The following PHF14 variants were observed in gnomAD, a reference collection of about 807,000 sequenced individuals.
The protein encoded by PHF14 is PHD finger protein 14.
A neutral mutation model predicts 117.9 loss-of-function variants in PHF14; 55 were observed. The observed-to-expected ratio is 0.47, with a 90% CI of 0.38 to 0.58. The LOEUF (loss-of-function observed/expected upper bound fraction) is 0.58. PHF14 is among the 20% of genes least tolerant of loss of function. The pLI is 0.00. For synonymous variants in PHF14, 409 were observed against 368.6 expected (o/e 1.11, Z -1.26); for missense variants, 978 against 1,122.2 (o/e 0.87, Z 1.84).
intron 11 of PHF14, among the ~76,000 whole-genome samples, chr7:11,039,816 C>T (rs1784443000): frequency 6.6e-6 from 1 of 152,086 alleles, no homozygotes; most frequent in South Asian, 2.1e-4. Context: ...TAGTAGTCGC[C>T]TCTGGGAGGA....
intron 17 of PHF14, among the ~76,000 whole-genome samples, chr7:11,111,773 T>G (rs1787455151): frequency 1.3e-5 from 2 of 152,014 alleles, no homozygotes; most frequent in South Asian, 4.1e-4. Flanking sequence ...TTAACACACT[T>G]GAGAATGGCA....
At chr7:10,980,518 C>G (rs1782014813) in intron 2 of PHF14, among the ~76,000 whole-genome samples, 2 of 152,074 alleles carry the variant, frequency 1.3e-5, no homozygotes, top group Admixed American at 6.5e-5. Context: ...GAGTGGTTTA[C>G]AAAATCATAA....
intron 17 of PHF14, among the ~76,000 whole-genome samples, chr7:11,127,541 A>G (rs921518926): frequency 2.0e-5 from 3 of 152,052 alleles, no homozygotes; most frequent in African/African-American, 7.2e-5. Context: ...CTTTGCTACT[A>G]CAGACAGACA....
intron 4 of PHF14, among the ~76,000 whole-genome samples, chr7:10,995,934 G>A (rs1288863168): frequency 6.6e-6 from 1 of 152,198 alleles, no homozygotes; most frequent in Non-Finnish European, 1.5e-5. Flanking sequence ...CAAGCTGAGG[G>A]AGCTGGCTCC....
At chr7:11,138,381 G>GA (rs757311413) in intron 17 of PHF14, among the ~76,000 whole-genome samples, 19 of 149,224 alleles carry the variant, frequency 1.3e-4, no homozygotes, top group African/African-American at 3.4e-4. Context: ...AGGTGATAAT[G>GA]AAAAAAAAAC....
At chr7:11,003,820 A>G (rs530510042) in intron 4 of PHF14, among the ~76,000 whole-genome samples, 8 of 152,330 alleles carry the variant, frequency 5.3e-5, no homozygotes, top group African/African-American at 1.7e-4. Context: ...TTCTCTTTGC[A>G]TAGGGAATCA....
In PHF14 at chr7:11,013,808, T is replaced by G. The variant is rs1783434654; in HGVS notation, c.1107T>G (p.Thr369=). The G allele has an allele frequency of 6.2e-7, 1 of 1,607,552 alleles. No individual in the cohort carries two copies. Residue 369 remains threonine (T), a synonymous_variant, in exon 5 of 18, where the codon ACT becomes ACG. Transcript: ENST00000634607. ...TGAGTTCAGCTTCTGAAAACTCCAC[T>G]GAACCTTGGTTTTGTGATGCCTGTA... is the stretch of plus-strand genomic sequence containing the variant. ...SIMSSASENS[T]EPWFCDACKC...
At position 11,035,726 on chromosome 7, in the gene PHF14, A is replaced by G. The variant is rs1460835196; in HGVS notation, c.1542A>G (p.Leu514=). ...GGAAGAGAAAAAACTACTTGGCTCT[A>G]CAGTCCTATTGTAAAATGTCTTTGC... ...RKWKRKNYLA[L]QSYCKMSLQE... Residue 514 remains leucine (L), a synonymous_variant, in exon 8 of 18, where the codon CTA becomes CTG. Transcript: ENST00000634607. 1.2e-6 allele frequency: 2 copies of G among 1,611,200 alleles called. No homozygotes were observed. The highest frequency in any genetic ancestry group is 1.3e-5 in the African/African-American group (1 of 74,856).
chr7:11,018,789 G>A (rs916505571), intron 5 of PHF14, among the ~76,000 whole-genome samples: 3 of 152,186 alleles, frequency 2.0e-5, no homozygotes, highest in Admixed American at 6.5e-5. Context: ...TTGAATAACA[G>A]TGGTGACAGT....
chr7:10,977,609 A>T (rs1156739355), intron 2 of PHF14, among the ~76,000 whole-genome samples: 1 of 152,162 alleles, frequency 6.6e-6, no homozygotes, highest in Non-Finnish European at 1.5e-5. Context: ...GAAACTGAAG[A>T]TAGTTTATAT....
intron 17 of PHF14, among the ~76,000 whole-genome samples, chr7:11,133,552 A>G (rs1411365027): frequency 3.9e-5 from 6 of 151,964 alleles, no homozygotes; most frequent in African/African-American, 1.4e-4. Context: ...GTTTATAGCC[A>G]CTGAAAATCT....
chr7:11,086,630 A>T (rs1786420069), intron 16 of PHF14, among the ~76,000 whole-genome samples: 1 of 152,186 alleles, frequency 6.6e-6, no homozygotes, highest in African/African-American at 2.4e-5. Flanking sequence ...AACCAAATTG[A>T]AAAAACAATC....
intron 16 of PHF14, chr7:11,102,895 G>A (rs1050516723): frequency 1.8e-6 from 2 of 1,092,436 alleles, no homozygotes; most frequent in African/African-American, 3.3e-5. Flanking sequence ...TTGATACACA[G>A]TGTTTGGACT....
At chr7:11,031,604 A>C (rs1401286950) in intron 7 of PHF14, among the ~76,000 whole-genome samples, 1 of 151,462 alleles carries the variant, frequency 6.6e-6, no homozygotes, top group Non-Finnish European at 1.5e-5. Flanking sequence ...AAAAAAAAAA[A>C]AAAATTAGCT....
chr7:11,028,613 G>A, intron 6 of PHF14, 68 bp from the exon 7 acceptor site: 1 of 1,394,806 alleles, frequency 7.2e-7, no homozygotes, highest in Non-Finnish European at 1.0e-6. Flanking sequence ...TGGACACTTT[G>A]TATGAGAATG....
chr7:11,124,258 A>G (rs77341141), intron 17 of PHF14, among the ~76,000 whole-genome samples: 2,159 of 152,198 alleles, frequency 0.014, 47 homozygotes, highest in African/African-American at 0.05. Flanking sequence ...GGTATGTCCT[A>G]CTACAACCTA....
intron 4 of PHF14, among the ~76,000 whole-genome samples, chr7:10,991,599 C>T (rs778704629): frequency 4.6e-5 from 7 of 151,792 alleles, no homozygotes; most frequent in Admixed American, 6.6e-5. Context: ...CGTAAGCCAC[C>T]GCACCTGGTC....
At chr7:11,038,277 A>G (rs1479975770) in intron 10 of PHF14, among the ~76,000 whole-genome samples, 3 of 152,010 alleles carry the variant, frequency 2.0e-5, no homozygotes, top group Non-Finnish European at 4.4e-5. Context: ...CTAAAAATAC[A>G]AAAGTTAGCT....
intron 14 of PHF14, among the ~76,000 whole-genome samples, chr7:11,054,048 G>T (rs1784936135): frequency 6.6e-6 from 1 of 151,506 alleles, no homozygotes; most frequent in African/African-American, 2.4e-5. Flanking sequence ...CTAATATTTA[G>T]AAACAGGATT....
Sources: allele counts gnomAD v4.1 joint callset (sites outside exome capture counted in the v4.1 genomes callset), GRCh38; gene constraint gnomAD v4.1.1; transcripts MANE v1.5; gene names NCBI Gene and HGNC (gene_info 2026-07-23, HGNC 2026-07-21).